Variants in RPS6KA6 observed in about 807,000 individuals in gnomAD.
RPS6KA6 encodes ribosomal protein S6 kinase A6.
A neutral mutation model predicts 65.4 loss-of-function variants in RPS6KA6; 27 were observed. The observed-to-expected ratio is 0.41, with a 90% CI of 0.30 to 0.57. RPS6KA6 has a LOEUF of 0.57. Among genes scored for constraint, RPS6KA6 ranks in the 20% least tolerant of loss-of-function variants. RPS6KA6 has a pLI of 0.24. For synonymous variants in RPS6KA6, 190 were observed against 184.2 expected, an observed-to-expected ratio of 1.03 and a Z score of -0.26; for missense variants, 486 against 555.6, an observed-to-expected ratio of 0.87 and a Z score of 1.26.
intron 20 of RPS6KA6, among the ~76,000 whole-genome samples, chrX:84,091,297 G>T (rs2034039844): frequency 8.9e-6 from 1 of 112,546 alleles, no homozygotes; most frequent in Non-Finnish European, 1.9e-5. Context: ...CACTTGCTGT[G>T]TAAATTAACA....
chrX:84,132,445 G>T lies in RPS6KA6; in HGVS notation c.646+2337C>A, dbSNP rs192981576. ...AGCCTGGGTGACAGAGTAAGACTCT[G>T]TCTCTTAAAAAAAATAAAATTTAAA... On this transcript the variant is annotated intron_variant, in intron 8 of 21. Coordinates refer to ENST00000262752, the MANE Select transcript of RPS6KA6 (RefSeq NM_014496.5). Among the ~76,000 whole-genome samples the T allele has an allele frequency of 1.4e-3, 157 of 110,260 alleles. 1 individual carries two copies. Among genetic ancestry groups the T allele is most frequent in the African/African-American group, 4.9e-3 (149 of 30,400 alleles).
chrX:84,177,485 G>C (rs2035789998), intron 1 of RPS6KA6, among the ~76,000 whole-genome samples: 1 of 111,471 alleles, frequency 9.0e-6, no homozygotes, highest in African/African-American at 3.3e-5. Context: ...ATTTAAACTC[G>C]GGCATTCTAG....
rs755809362 is a variant in RPS6KA6 at position 84,120,047 on chromosome X, A to G, written c.647-20T>C. The G allele has an allele frequency of 9.1e-7, 1 of 1,096,354 alleles. No homozygotes were observed. Among genetic ancestry groups the G allele is most frequent in the Admixed American group, 3.0e-5 (1 of 33,261 alleles). The allele number at this position is 1,096,354 out of a possible 1,213,427, so 90.4% of individuals were successfully genotyped here. On this transcript the variant is annotated intron_variant, in intron 8 of 21. Transcript: ENST00000262752. ...CAAAATCTATAATAACAGTATTACC[A>G]AAAAATGTGTCTGAAAAACTTCAGA... is the stretch of plus-strand genomic sequence containing the variant.
intron 18 of RPS6KA6, among the ~76,000 whole-genome samples, chrX:84,100,393 C>CATATTATATATTATATATAATAT (rs1458650000): frequency 2.6e-4 from 29 of 111,003 alleles, no homozygotes; most frequent in African/African-American, 9.1e-4. Flanking sequence ...TAAACACGGA[C>CATATTATATATTATATATAATAT]ATATTATATA....
chrX:84,146,008 C>A (rs2035192671), intron 5 of RPS6KA6, among the ~76,000 whole-genome samples: 1 of 111,224 alleles, frequency 9.0e-6, no homozygotes, highest in Non-Finnish European at 1.9e-5. Context: ...TATATTTATA[C>A]CTCCTTAATA....
intron 3 of RPS6KA6, among the ~76,000 whole-genome samples, chrX:84,153,651 C>T (rs753115136): frequency 3.6e-5 from 4 of 111,468 alleles, no homozygotes; most frequent in Non-Finnish European, 5.7e-5. Flanking sequence ...AAACTTAAGA[C>T]TCTGCAGCTC....
chrX:84,096,411 A>G, intron 19 of RPS6KA6, 100 bp from the exon 20 acceptor site: 1 of 368,967 alleles, frequency 2.7e-6, no homozygotes, highest in South Asian at 9.2e-5. Flanking sequence ...ACTTCAGTGA[A>G]TAAGAATATC....
rs2033349805 is a variant in RPS6KA6 at position 84,064,265 on chromosome X, A to C, written c.*12T>G. ...CATCTTCATCCAGTTTGGCCTAGGA[A>C]CACCACAAATCTTACAGGCCAGTTG... is the stretch of plus-strand genomic sequence containing the variant. On this transcript the variant is annotated 3_prime_UTR_variant, in exon 22 of 22. Coordinates refer to ENST00000262752, the MANE Select transcript of RPS6KA6 (RefSeq NM_014496.5). 3 of 1,205,877 alleles carry C rather than the reference A, an allele frequency of 2.5e-6. No individual in the cohort carries two copies. The highest frequency in any genetic ancestry group is 2.2e-6 in the Non-Finnish European group (2 of 892,873).
intron 1 of RPS6KA6, among the ~76,000 whole-genome samples, chrX:84,179,520 T>C (rs912609558): frequency 2.7e-5 from 3 of 111,912 alleles, no homozygotes; most frequent in African/African-American, 9.7e-5. Flanking sequence ...AAAGAACTAC[T>C]GATACACATA....
At chrX:84,176,624 A>C (rs180930885) in intron 1 of RPS6KA6, among the ~76,000 whole-genome samples, 86 of 111,679 alleles carry the variant, frequency 7.7e-4, no homozygotes, top group Non-Finnish European at 1.5e-3. Context: ...GTTACTTCTC[A>C]AAATAATCAT....
chrX:84,123,848 T>A (rs1466885693), intron 8 of RPS6KA6, among the ~76,000 whole-genome samples: 1 of 110,711 alleles, frequency 9.0e-6, no homozygotes, highest in Non-Finnish European at 1.9e-5. Context: ...TGAAAATAGG[T>A]TTTACCCAGG....
chrX:84,117,057 T>C lies in RPS6KA6; in HGVS notation c.949+3A>G. The C allele has an allele frequency of 1.8e-6, 2 of 1,121,074 alleles. No individual in the cohort carries two copies. Among genetic ancestry groups the C allele is most frequent in the Non-Finnish European group, 2.4e-6 (2 of 827,878 alleles). 92.4% of individuals were successfully genotyped at this position (1,121,074 alleles called of 1,213,427 possible). On this transcript the variant is annotated splice_donor_region_variant and intron_variant, in intron 11 of 21. Transcript: ENST00000262752. ...CTATAAAAGCTAAGAAAATAAGCAA[T>C]ACCCAATCTATTTGCTGGATTCCTT...
At chrX:84,159,284 T>C (rs2035472366) in intron 2 of RPS6KA6, among the ~76,000 whole-genome samples, 1 of 110,720 alleles carries the variant, frequency 9.0e-6, no homozygotes, top group East Asian at 2.8e-4. Flanking sequence ...TTTACTATTA[T>C]AATGTCCCTT....
chrX:84,094,476 A>G (rs992603613), intron 20 of RPS6KA6, among the ~76,000 whole-genome samples: 1 of 108,058 alleles, frequency 9.3e-6, no homozygotes, highest in Non-Finnish European at 1.9e-5. Flanking sequence ...CCCCATCTGT[A>G]CTAAAAAAAA....
intron 15 of RPS6KA6, among the ~76,000 whole-genome samples, chrX:84,106,158 C>G (rs1449236915): frequency 9.0e-6 from 1 of 111,508 alleles, no homozygotes; most frequent in Non-Finnish European, 1.9e-5. Flanking sequence ...CAAAATTATT[C>G]AAATGCAAAA....
chrX:84,153,749 T>C (rs1358433095), intron 3 of RPS6KA6, among the ~76,000 whole-genome samples: 1 of 111,041 alleles, frequency 9.0e-6, no homozygotes, highest in Non-Finnish European at 1.9e-5. Context: ...AAGTCACACC[T>C]ACACAATGCC....
intron 2 of RPS6KA6, among the ~76,000 whole-genome samples, chrX:84,158,776 C>A (rs948855257): frequency 1.7e-4 from 19 of 111,453 alleles, no homozygotes; most frequent in African/African-American, 6.2e-4. Context: ...ATTATGACTA[C>A]TGTGCCTTTA....
At chrX:84,145,401 G>GT in intron 6 of RPS6KA6, 77 bp downstream of exon 6, 1 of 613,367 alleles carries the variant, frequency 1.6e-6, no homozygotes, top group Non-Finnish European at 2.5e-6. Flanking sequence ...TAGGAAAAAT[G>GT]TAATTAGCAG....
rs151293275 is a variant in RPS6KA6 at position 84,153,946 on chromosome X, G to T, written c.258+2129C>A. ...TAAATCCCAGCACAGACAAAGCTAA[G>T]ATTTCCCTGAATTTAAGCACTACAT... On this transcript the variant is annotated intron_variant, in intron 3 of 21. Coordinates refer to ENST00000262752, the MANE Select transcript of RPS6KA6 (RefSeq NM_014496.5). Among the ~76,000 whole-genome samples the T allele has an allele frequency of 2.2e-3, 246 of 111,561 alleles. 2 individuals carry two copies. The highest frequency in any genetic ancestry group is 4.0e-3 in the Non-Finnish European group (210 of 52,989).
Sources: allele counts gnomAD v4.1 joint callset (sites outside exome capture counted in the v4.1 genomes callset), GRCh38; gene constraint gnomAD v4.1.1; transcripts MANE v1.5; gene names NCBI Gene and HGNC (gene_info 2026-07-23, HGNC 2026-07-21).